Variants in AK8 observed in about 807,000 individuals in gnomAD.
The protein encoded by AK8 is adenylate kinase 8, also known as ATP-AMP transphosphorylase 8.
AK8 carries 44 observed loss-of-function variants against 54.6 expected under a neutral mutation model. That is an observed-to-expected ratio of 0.81 (90% CI 0.63 to 1.04). The LOEUF (loss-of-function observed/expected upper bound fraction) is 1.04, where lower values mean the gene tolerates loss of function less well. Among genes scored for constraint, AK8 ranks in the 50% least tolerant of loss-of-function variants. The probability of loss-of-function intolerance (pLI) is 0.00; values close to 1 mark genes in which losing one functional copy is unlikely to be tolerated. For synonymous variants in AK8, 239 were observed against 245.6 expected (o/e 0.97, Z 0.25); for missense variants, 555 against 613.6 (o/e 0.90, Z 1.01).
intron 2 of AK8, among the ~76,000 whole-genome samples, chr9:132,871,718 T>C (rs1013464933): frequency 6.6e-6 from 1 of 152,162 alleles, no homozygotes; most frequent in Non-Finnish European, 1.5e-5. Context: ...AAGGGCTCCT[T>C]GGAGGGAGCT....
At chr9:132,817,420 C>G (rs431672) in intron 9 of AK8, among the ~76,000 whole-genome samples, 30,991 of 152,136 alleles carry the variant, frequency 0.2, 3,455 homozygotes, top group East Asian at 0.44. Flanking sequence ...GGATGACACA[C>G]ATGTCAGAAT....
intron 10 of AK8, among the ~76,000 whole-genome samples, chr9:132,812,530 T>TGGGATGACAGGGGTGAGCCGCCGC (rs1841081288): frequency 3.8e-5 from 5 of 130,750 alleles, no homozygotes; most frequent in African/African-American, 1.1e-4. Flanking sequence ...TGAGCTACCG[T>TGGGATGACAGGGGTGAGCCGCCGC]GCCCACTGGG....
rs902095424 is a variant in AK8, at chr9:132,749,035, C to T, written c.1122-21501G>A. The stretch of plus-strand genomic sequence containing the variant: ...GATTACAGGTACCTGCCACCAAGCC[C>T]GGCTAATTTTTGTATTTTTAGTAGA... On this transcript the variant is annotated intron_variant, in intron 11 of 12. Transcript: ENST00000298545. 1.6e-4 allele frequency among the ~76,000 whole-genome samples: 25 copies of T among 151,830 alleles called. 1 individual carries two copies. Among genetic ancestry groups the T allele is most frequent in the South Asian group, 4.2e-4 (2 of 4,794 alleles).
At chr9:132,729,017 G>C (rs1329611386) in intron 11 of AK8, among the ~76,000 whole-genome samples, 1 of 151,932 alleles carries the variant, frequency 6.6e-6, no homozygotes, top group Non-Finnish European at 1.5e-5. Flanking sequence ...TGAGTAGCTG[G>C]GACTACAGGT....
At position 132,823,350 on chromosome 9, in the gene AK8, A is replaced by C; in HGVS notation, c.758-14T>G. ...CATAGGTCAGAGCTGGAAAGAGAGGATATGAGGATAATAAACCCAGGTCCT... is the reference window on the plus strand; with the variant it reads ...CATAGGTCAGAGCTGGAAAGAGAGGCTATGAGGATAATAAACCCAGGTCCT... On this transcript the variant is annotated splice_polypyrimidine_tract_variant and intron_variant, in intron 8 of 12. Transcript: ENST00000298545. 6.2e-7 allele frequency: 1 copy of C among 1,613,618 alleles called. No homozygotes were observed. Among genetic ancestry groups the C allele is most frequent in the East Asian group, 2.2e-5 (1 of 44,836 alleles).
intron 8 of AK8, among the ~76,000 whole-genome samples, chr9:132,824,979 G>A (rs980149262): frequency 6.6e-6 from 1 of 152,150 alleles, no homozygotes; most frequent in Non-Finnish European, 1.5e-5. Context: ...TGGCAGAGCT[G>A]GGGCAACTCT....
chr9:132,856,518 CT>C (rs1465531693), intron 4 of AK8, among the ~76,000 whole-genome samples: 4 of 152,178 alleles, frequency 2.6e-5, no homozygotes, highest in South Asian at 2.1e-4. Context: ...TCCTGCCCTT[CT>C]GCCTGTATGG....
chr9:132,832,336 T>TTA (rs1246357339), intron 5 of AK8, among the ~76,000 whole-genome samples: 1 of 152,052 alleles, frequency 6.6e-6, no homozygotes, highest in Non-Finnish European at 1.5e-5. Flanking sequence ...CAAGTCCTTG[T>TTA]TATAGCCAGC....
chr9:132,751,745 G>A (rs1442590518), intron 11 of AK8, among the ~76,000 whole-genome samples: 1 of 151,928 alleles, frequency 6.6e-6, no homozygotes, highest in Non-Finnish European at 1.5e-5. Flanking sequence ...TGGGGACAGT[G>A]TTTGTGAACA....
intron 10 of AK8, among the ~76,000 whole-genome samples, chr9:132,794,969 G>T (rs991639781): frequency 6.6e-6 from 1 of 152,202 alleles, no homozygotes; most frequent in Non-Finnish European, 1.5e-5. Context: ...CTCAAAGGTG[G>T]TGGCTATTAC....
rs147958005 is a variant in AK8 at position 132,859,406 on chromosome 9, T to G, written c.333+4259A>C. Among the ~76,000 whole-genome samples, 306 of 152,102 alleles carry G rather than the reference T, an allele frequency of 2.0e-3. 2 individuals are homozygous for G. The East Asian group carries it at 0.024, about 12-fold the overall frequency. On this transcript the variant is annotated intron_variant, in intron 4 of 12. Transcript: ENST00000298545. Reference sequence around the variant, plus strand: ...CGCCCCCCACCATGCCCAGCTAATATTTTTTTCTTTTTTGTAGAGACAGAG... The same window carrying G: ...CGCCCCCCACCATGCCCAGCTAATAGTTTTTTCTTTTTTGTAGAGACAGAG...
chr9:132,794,937 C>T (rs374196070), intron 10 of AK8, among the ~76,000 whole-genome samples: 12 of 152,280 alleles, frequency 7.9e-5, no homozygotes, highest in East Asian at 7.7e-4. Flanking sequence ...ACCGCATTTA[C>T]GATTCTGGCA....
Position 132,828,032 on chromosome 9 carries a change from T to G in AK8, c.537A>C (p.Arg179Ser), listed in dbSNP as rs767203480. 1.6e-4 allele frequency: 245 copies of G among 1,568,576 alleles called. No homozygotes were observed. Among genetic ancestry groups the G allele is most frequent in the Non-Finnish European group, 2.0e-4 (233 of 1,155,616 alleles). Residue 179 changes from arginine to serine, a missense_variant, in exon 7 of 13, where the codon AGA becomes AGC. Physicochemically the swap from Arg to Ser is moderately radical, Grantham distance 110. Coordinates refer to ENST00000298545, the MANE Select transcript of AK8 (RefSeq NM_152572.3). ...CCATACCTCCAGTTTGAGGGTCGAT[T>G]CTCTTCCCCAAGTTTCTCTCGATCA... ...TVLIERNLGK[R>S]IDPQTGEIYH...
At chr9:132,825,188 CCAGA>C (rs1175965055) in intron 8 of AK8, among the ~76,000 whole-genome samples, 2 of 152,150 alleles carry the variant, frequency 1.3e-5, no homozygotes, top group African/African-American at 4.8e-5. Flanking sequence ...TAATGATCCC[CCAGA>C]CAGTCTCAAC....
At position 132,799,613 on chromosome 9, in the gene AK8, ACCACACACCC is replaced by A. The variant is rs1441548894; in HGVS notation, c.980-6848_980-6839del. On this transcript the variant is annotated intron_variant, in intron 10 of 12. Transcript: ENST00000298545. This position sits in a 1 kb window ranked among gnomAD's most constrained non-coding sequence, Gnocchi z 5.0. ...CAGCTACAAACACACACACACACACACCACACACCCCCACACCCCTACACCCCACCACGTG... is the reference window on the plus strand; with the variant it reads ...CAGCTACAAACACACACACACACACACCACACCCCTACACCCCACCACGTG... 6.6e-6 allele frequency among the ~76,000 whole-genome samples: 1 copy of A among 150,832 alleles called. No individual in the cohort carries two copies. Among genetic ancestry groups the A allele is most frequent in the Non-Finnish European group, 1.5e-5 (1 of 67,736 alleles).
intron 9 of AK8, among the ~76,000 whole-genome samples, chr9:132,820,986 G>C (rs1841573101): frequency 6.6e-6 from 1 of 152,048 alleles, no homozygotes; most frequent in Non-Finnish European, 1.5e-5. Context: ...GTCTCCAAAT[G>C]CTTAATTATC....
chr9:132,758,801 T>C (rs879594559), intron 11 of AK8, among the ~76,000 whole-genome samples: 1 of 152,246 alleles, frequency 6.6e-6, no homozygotes, highest in Admixed American at 6.5e-5. Flanking sequence ...TTTTGGCCCT[T>C]GTGTTTTTTC....
chr9:132,777,376 C>T (rs1191107505), intron 11 of AK8, among the ~76,000 whole-genome samples: 4 of 152,192 alleles, frequency 2.6e-5, no homozygotes, highest in East Asian at 1.9e-4. Context: ...GTCAAGGAAA[C>T]GGAGGTGCAG....
In AK8 at chr9:132,877,807, G is replaced by A. The variant is rs747531544; in HGVS notation, c.84+365C>T. 6.2e-5 allele frequency: 32 copies of A among 516,996 alleles called. No homozygotes were observed. In the Admixed American group the frequency reaches 6.8e-4, roughly 11 times the overall value. The allele number at this position is 516,996 out of a possible 1,614,324, so 32.0% of individuals were successfully genotyped here. ...TCGACAGATGGTAATTGTCAGCGCC[G>A]GGAGAGCCCCTGGGAGACCACCTCT... On this transcript the variant is annotated intron_variant, in intron 1 of 12. Coordinates refer to ENST00000298545, the MANE Select transcript of AK8 (RefSeq NM_152572.3).
Sources: gnomAD v4.1 joint callset for allele counts (sites outside exome capture counted in the v4.1 genomes callset) on GRCh38, gnomAD v4.1.1 for gene constraint, Gnocchi (gnomAD v3.1) non-coding constraint, MANE v1.5 for transcripts, NCBI Gene and HGNC (gene_info 2026-07-23, HGNC 2026-07-21) for gene names.